The following TMEM45A variants were observed in gnomAD, a reference collection of about 807,000 sequenced individuals.
TMEM45A encodes the protein DNA polymerase-transactivated protein 4.
Under a neutral mutation model 32.0 loss-of-function variants are expected in TMEM45A, and 25 were observed. That is an observed-to-expected ratio of 0.78 (90% CI 0.57 to 1.09). The LOEUF (loss-of-function observed/expected upper bound fraction) is 1.09, where lower values mean the gene tolerates loss of function less well. Among genes scored for constraint, TMEM45A ranks in the 50% least tolerant of loss-of-function variants. The pLI, the probability that TMEM45A is intolerant of heterozygous loss-of-function variation, is 0.00. For missense variants in TMEM45A, 302 were observed against 325.0 expected (o/e 0.93, Z 0.54); for synonymous variants, 122 against 114.8 (o/e 1.06, Z -0.40).
intron 1 of TMEM45A, among the ~76,000 whole-genome samples, chr3:100,540,674 C>T (rs1200206594): frequency 6.6e-6 from 1 of 152,176 alleles, no homozygotes; most frequent in Non-Finnish European, 1.5e-5. Context: ...GAGCACCATA[C>T]AATTCAGAAT....
chr3:100,558,617 C>T, intron 4 of TMEM45A, 28 bp downstream of exon 4: 5 of 1,603,626 alleles, frequency 3.1e-6, no homozygotes, highest in South Asian at 1.1e-5. Context: ...GTTAATGTAC[C>T]TGGACTCTTT....
intron 1 of TMEM45A, among the ~76,000 whole-genome samples, chr3:100,493,972 T>C (rs1221259392): frequency 6.6e-6 from 1 of 152,222 alleles, no homozygotes. Context: ...CCTCAGGTTA[T>C]GTGCCTCCCT....
chr3:100,550,389 T>C (rs1224728622), intron 1 of TMEM45A, among the ~76,000 whole-genome samples: 1 of 152,094 alleles, frequency 6.6e-6, no homozygotes, highest in African/African-American at 2.4e-5. Context: ...CCACATAGTA[T>C]GTGGATACAA....
chr3:100,496,427 G>A (rs1707928976), intron 1 of TMEM45A, among the ~76,000 whole-genome samples: 1 of 152,218 alleles, frequency 6.6e-6, no homozygotes, highest in Non-Finnish European at 1.5e-5. Context: ...AGATTACACA[G>A]TGAACAAGTG....
At chr3:100,524,026 C>T (rs1705493350) in intron 1 of TMEM45A, among the ~76,000 whole-genome samples, 3 of 152,206 alleles carry the variant, frequency 2.0e-5, no homozygotes, top group African/African-American at 7.2e-5. Context: ...GAGAGGAGAC[C>T]TCTACATTAG....
intron 1 of TMEM45A, among the ~76,000 whole-genome samples, chr3:100,520,287 G>A (rs984705385): frequency 1.3e-5 from 2 of 152,144 alleles, no homozygotes; most frequent in Admixed American, 1.3e-4. Flanking sequence ...AAAACAATTT[G>A]CAGACAGTGC....
chr3:100,551,890 ATTC>A (rs958321051), intron 1 of TMEM45A, among the ~76,000 whole-genome samples: 4 of 152,136 alleles, frequency 2.6e-5, no homozygotes, highest in Admixed American at 2.6e-4. Flanking sequence ...ATCAGCTCAT[ATTC>A]TTCTTCACAA....
Position 100,520,316 on chromosome 3 carries a change from C to G in TMEM45A, c.-4+27388C>G, listed in dbSNP as rs141885927. On this transcript the variant is annotated intron_variant, in intron 1 of 5. Transcript: ENST00000323523. Reference sequence around the variant, plus strand: ...ACAGTGCCTTCTTGTTATTACCAACCAGCAGTGCTCGTTGCCTTGTCTTCC... The same window carrying G: ...ACAGTGCCTTCTTGTTATTACCAACGAGCAGTGCTCGTTGCCTTGTCTTCC... Among the ~76,000 whole-genome samples, 324 of 152,274 alleles carry G rather than the reference C, an allele frequency of 2.1e-3. 1 individual carries two copies. The highest frequency in any genetic ancestry group is 7.2e-3 in the African/African-American group (300 of 41,542).
At chr3:100,531,651 G>A (rs1055988277) in intron 1 of TMEM45A, among the ~76,000 whole-genome samples, 5 of 152,326 alleles carry the variant, frequency 3.3e-5, no homozygotes, top group African/African-American at 1.2e-4. Flanking sequence ...AAGGGTTAAG[G>A]AAGAGAGAAG....
At chr3:100,538,221 C>A (rs182626690) in intron 1 of TMEM45A, among the ~76,000 whole-genome samples, 11 of 152,272 alleles carry the variant, frequency 7.2e-5, no homozygotes, top group Non-Finnish European at 1.5e-5. Flanking sequence ...CCTATCATAT[C>A]CCATCTTTGC....
rs73860690 is a variant in TMEM45A, at chr3:100,547,915, G to A, written c.-3-7294G>A. On this transcript the variant is annotated intron_variant, in intron 1 of 5. Coordinates refer to ENST00000323523, the MANE Select transcript of TMEM45A (RefSeq NM_018004.3). ...TTTGTTTTTGTGTTTTATTTTTAAA[G>A]ACATAAGTTTTTGGATTGCCTCATC... is the stretch of plus-strand genomic sequence containing the variant. 3.9e-3 allele frequency among the ~76,000 whole-genome samples: 600 copies of A among 152,214 alleles called. 4 individuals are homozygous for A. Among genetic ancestry groups the A allele is most frequent in the African/African-American group, 0.014 (569 of 41,532 alleles).
intron 1 of TMEM45A, among the ~76,000 whole-genome samples, chr3:100,538,363 C>T (rs1705784059): frequency 7.7e-6 from 1 of 130,076 alleles, no homozygotes; most frequent in African/African-American, 2.5e-5. Flanking sequence ...AAGTTAAACA[C>T]AAAACAAAAC....
At chr3:100,535,263 G>C (rs1046439218) in intron 1 of TMEM45A, among the ~76,000 whole-genome samples, 14 of 152,118 alleles carry the variant, frequency 9.2e-5, no homozygotes, top group African/African-American at 2.4e-4. Context: ...TGGGATTACA[G>C]GTACCATGCC....
intron 1 of TMEM45A, among the ~76,000 whole-genome samples, chr3:100,534,025 AAGCCAAATGTGAGACCT>A (rs1360582921): frequency 6.6e-6 from 1 of 152,162 alleles, no homozygotes; most frequent in East Asian, 1.9e-4. Flanking sequence ...TGAGCTGTTC[AAGCCAAATGTGAGACCT>A]AGACAACACT....
intron 1 of TMEM45A, among the ~76,000 whole-genome samples, chr3:100,532,334 A>G (rs1705661644): frequency 6.6e-6 from 1 of 152,180 alleles, no homozygotes; most frequent in African/African-American, 2.4e-5. Flanking sequence ...ATAACTGGAG[A>G]GTCTTAGGCT....
chr3:100,572,096 A>G (rs1219530064), intron 5 of TMEM45A: 3 of 152,210 alleles, frequency 2.0e-5, no homozygotes, highest in Non-Finnish European at 4.4e-5. Flanking sequence ...ATGATTTATA[A>G]TCCTTTGGGT....
chr3:100,576,900 T>C lies in TMEM45A; in HGVS notation c.735-25T>C, dbSNP rs748272059. ...GTTTCTATTTTAAAAACCGTCTAACTTGAGATGCTTTTCTTTCTCCTCAGG... is the reference window on the plus strand; with the variant it reads ...GTTTCTATTTTAAAAACCGTCTAACCTGAGATGCTTTTCTTTCTCCTCAGG... On this transcript the variant is annotated intron_variant, in intron 5 of 5. Transcript: ENST00000323523. The C allele has an allele frequency of 3.2e-6, 5 of 1,547,058 alleles. No homozygotes were observed. The Admixed American group carries it at 8.4e-5, about 26-fold the overall frequency.
At position 100,575,363 on chromosome 3, in the gene TMEM45A, C is replaced by CTTTTTTTTT. The variant is rs59739893; in HGVS notation, c.735-1543_735-1535dup. 1.3e-3 allele frequency among the ~76,000 whole-genome samples: 82 copies of CTTTTTTTTT among 62,762 alleles called. 2 individuals carry two copies. Among genetic ancestry groups the CTTTTTTTTT allele is most frequent in the Non-Finnish European group, 2.3e-3 (75 of 32,418 alleles). 41.2% of individuals were successfully genotyped at this position (62,762 alleles called of 152,430 possible). On this transcript the variant is annotated intron_variant, in intron 5 of 5. Transcript: ENST00000323523. Reference sequence around the variant, plus strand: ...TGCTTCCCCCAGGCCTATGGATTCTCTTTTTTTTTTTTTTTTTTTTTTTTT... The same window carrying CTTTTTTTTT: ...TGCTTCCCCCAGGCCTATGGATTCTCTTTTTTTTTTTTTTTTTTTTTTTTTTTTTTTTTT...
intron 1 of TMEM45A, among the ~76,000 whole-genome samples, chr3:100,521,063 C>G (rs1036396809): frequency 6.6e-6 from 1 of 152,178 alleles, no homozygotes; most frequent in Non-Finnish European, 1.5e-5. Context: ...TAAAGAACCC[C>G]TTTCGGAGCT....
Sources: gnomAD v4.1 joint callset for allele counts (sites outside exome capture counted in the v4.1 genomes callset) on GRCh38, gnomAD v4.1.1 for gene constraint, MANE v1.5 for transcripts, NCBI Gene and HGNC (gene_info 2026-07-23, HGNC 2026-07-21) for gene names.